The following PTPRK variants were observed in gnomAD, a reference collection of about 807,000 sequenced individuals.
The protein encoded by PTPRK is protein tyrosine phosphatase receptor type K, also known as receptor-type tyrosine-protein phosphatase kappa.
A neutral mutation model predicts 178.0 loss-of-function variants in PTPRK; 75 were observed. That is an observed-to-expected ratio of 0.42 (90% CI 0.35 to 0.51). PTPRK has a LOEUF of 0.51. Ranked by LOEUF, PTPRK falls within the 20% of genes least tolerant of loss-of-function variation. PTPRK has a pLI of 0.02. For synonymous variants in PTPRK, 637 were observed against 620.6 expected (o/e 1.03, Z -0.39); for missense variants, 1,441 against 1,797.8 (o/e 0.80, Z 3.59).
chr6:128,033,779 A>AG (rs950171138), intron 13 of PTPRK, among the ~76,000 whole-genome samples: 3 of 151,870 alleles, frequency 2.0e-5, no homozygotes, highest in Admixed American at 6.6e-5. Context: ...TGAGAGACTG[A>AG]GGGGGGAGTA....
intron 1 of PTPRK, among the ~76,000 whole-genome samples, chr6:128,454,701 T>C (rs1229080035): frequency 2.0e-5 from 3 of 152,140 alleles, no homozygotes; most frequent in Admixed American, 1.3e-4. Flanking sequence ...AATATAGGCA[T>C]CTCAGCACTG....
intron 3 of PTPRK, among the ~76,000 whole-genome samples, chr6:128,279,231 G>A (rs1821299516): frequency 6.7e-6 from 1 of 149,282 alleles, no homozygotes; most frequent in South Asian, 2.1e-4. Context: ...AAAAAAAGAT[G>A]TCTGGAAAAA....
chr6:128,235,986 T>C (rs1006895756), intron 5 of PTPRK, among the ~76,000 whole-genome samples: 1 of 152,182 alleles, frequency 6.6e-6, no homozygotes, highest in African/African-American at 2.4e-5. Flanking sequence ...ATAATTGCTC[T>C]ATTTTATTAT....
intron 24 of PTPRK, 79 bp from the exon 25 acceptor site, chr6:127,981,368 A>C: frequency 7.9e-7 from 1 of 1,266,340 alleles, no homozygotes; most frequent in Non-Finnish European, 1.1e-6. Context: ...AGGAATTTAG[A>C]AGGCCAAGTA....
chr6:128,121,808 C>T (rs368747360), intron 7 of PTPRK, among the ~76,000 whole-genome samples: 68 of 152,096 alleles, frequency 4.5e-4, no homozygotes, highest in African/African-American at 1.6e-3. Context: ...TTACACCACA[C>T]CTGCTCTCCT....
rs149789955 is a variant in PTPRK at position 127,982,988 on chromosome 6, A to T, written c.3388-8T>A. ...AATAAAAATGTACTGTTCCTACCAA[A>T]AGAATGAAAAAGAAAATTTTGTACT... On this transcript the variant is annotated splice_region_variant and splice_polypyrimidine_tract_variant and intron_variant, in intron 23 of 29. Coordinates refer to ENST00000368226, the MANE Select transcript of PTPRK (RefSeq NM_002844.4). 86 of 1,595,430 alleles carry T rather than the reference A, an allele frequency of 5.4e-5. No homozygotes were observed. In the African/African-American group the frequency reaches 1.0e-3, roughly 19 times the overall value.
rs765960192 is a variant in PTPRK, at chr6:128,009,287, A to G, written c.2195-19T>C. The stretch of plus-strand genomic sequence containing the variant: ...GCTGCTGCTAAATGGATAAAAAAAA[A>G]AATCAGTTACTGAAAGAAGCTAATA... On this transcript the variant is annotated intron_variant, in intron 13 of 29. Coordinates refer to ENST00000368226, the MANE Select transcript of PTPRK (RefSeq NM_002844.4). The G allele has an allele frequency of 6.3e-7, 1 of 1,592,542 alleles. No homozygotes were observed. Among genetic ancestry groups the G allele is most frequent in the Non-Finnish European group, 8.5e-7 (1 of 1,170,646 alleles).
At chr6:128,506,871 G>C (rs1374292400) in intron 1 of PTPRK, among the ~76,000 whole-genome samples, 1 of 151,932 alleles carries the variant, frequency 6.6e-6, no homozygotes, top group Non-Finnish European at 1.5e-5. Flanking sequence ...AGATAATGTA[G>C]TTAGAGATTT....
chr6:128,247,326 CT>C (rs1159816399), intron 3 of PTPRK, among the ~76,000 whole-genome samples: 1 of 151,690 alleles, frequency 6.6e-6, no homozygotes, highest in Non-Finnish European at 1.5e-5. Context: ...TATTCTTTTT[CT>C]TTTTTTTAAT....
chr6:128,186,261 T>C lies in PTPRK; in HGVS notation c.869-1536A>G, dbSNP rs115035261. ...AAAGAAGACTGATAAATAATGAATG[T>C]AATATCAATATTTTTTGTCCAAAAT... is the stretch of plus-strand genomic sequence containing the variant. On this transcript the variant is annotated intron_variant, in intron 6 of 29. Coordinates refer to ENST00000368226, the MANE Select transcript of PTPRK (RefSeq NM_002844.4). Among the ~76,000 whole-genome samples the C allele has an allele frequency of 3.4e-3, 516 of 152,214 alleles. 5 individuals carry two copies. The highest frequency in any genetic ancestry group is 0.012 in the African/African-American group (499 of 41,580).
intron 3 of PTPRK, among the ~76,000 whole-genome samples, chr6:128,262,253 G>A (rs1190252375): frequency 1.3e-5 from 2 of 152,082 alleles, no homozygotes; most frequent in East Asian, 1.9e-4. Flanking sequence ...TTTAAAATGT[G>A]AGACAGCCTC....
At chr6:128,379,440 G>C (rs925843444) in intron 2 of PTPRK, among the ~76,000 whole-genome samples, 1 of 152,076 alleles carries the variant, frequency 6.6e-6, no homozygotes, top group Non-Finnish European at 1.5e-5. Context: ...TACTTCAACT[G>C]TTTTCAAAGT....
chr6:128,240,718 T>C (rs2128283583), intron 4 of PTPRK, among the ~76,000 whole-genome samples: 1 of 152,318 alleles, frequency 6.6e-6, no homozygotes, highest in African/African-American at 2.4e-5. Context: ...CCAGCTAAAC[T>C]GGTAAACTTT....
intron 3 of PTPRK, among the ~76,000 whole-genome samples, chr6:128,263,679 T>C (rs979690355): frequency 2.6e-5 from 4 of 152,190 alleles, no homozygotes; most frequent in African/African-American, 7.2e-5. Flanking sequence ...TTAGTAATGA[T>C]TGTGTTAACA....
chr6:128,296,621 A>C (rs1220586131), intron 3 of PTPRK, among the ~76,000 whole-genome samples: 2 of 152,180 alleles, frequency 1.3e-5, no homozygotes, highest in Non-Finnish European at 2.9e-5. Flanking sequence ...ATTCAGCCAA[A>C]CTAAGCTTCA....
chr6:128,009,586 T>C lies in PTPRK; in HGVS notation c.2195-318A>G, dbSNP rs370053447. ...ATAAGGTTGTCTAGCAACTAGTACA[T>C]TGGAAAGAGATGGGGTCAGATTTAG... On this transcript the variant is annotated intron_variant, in intron 13 of 29. Transcript: ENST00000368226. 5.3e-5 allele frequency among the ~76,000 whole-genome samples: 8 copies of C among 151,202 alleles called. No homozygotes were observed. In the Admixed American group the frequency reaches 5.3e-4, roughly 10 times the overall value.
chr6:128,134,587 G>C (rs150265591), intron 7 of PTPRK, among the ~76,000 whole-genome samples: 37 of 152,230 alleles, frequency 2.4e-4, no homozygotes, highest in African/African-American at 8.7e-4. Flanking sequence ...GAGGCAGGCT[G>C]ACCACTTGAG....
chr6:128,273,584 C>CT (rs1282062307), intron 3 of PTPRK, among the ~76,000 whole-genome samples: 1 of 152,134 alleles, frequency 6.6e-6, no homozygotes, highest in Non-Finnish European at 1.5e-5. Context: ...CTCCATCAGA[C>CT]ATACAGTCTA....
intron 2 of PTPRK, among the ~76,000 whole-genome samples, chr6:128,335,832 A>G (rs981572342): frequency 6.6e-6 from 1 of 152,084 alleles, no homozygotes; most frequent in Non-Finnish European, 1.5e-5. Context: ...CTCAGTCTAC[A>G]TTAACTTAAG....
Sources: allele counts gnomAD v4.1 joint callset (sites outside exome capture counted in the v4.1 genomes callset), GRCh38; gene constraint gnomAD v4.1.1; transcripts MANE v1.5; gene names NCBI Gene and HGNC (gene_info 2026-07-23, HGNC 2026-07-21).